Variants in CCDC14 observed in about 807,000 individuals in gnomAD.
The protein encoded by CCDC14 is coiled-coil domain containing 14, also known as coiled-coil domain-containing protein 14.
In CCDC14, 71 loss-of-function variants were observed where a neutral mutation model predicts 81.4. The observed-to-expected ratio is 0.87, with a 90% CI of 0.72 to 1.06. The LOEUF (loss-of-function observed/expected upper bound fraction) is 1.06. Ranked by LOEUF, CCDC14 falls within the 50% of genes least tolerant of loss-of-function variation. The pLI, the probability that CCDC14 is intolerant of heterozygous loss-of-function variation, is 0.00. For missense variants in CCDC14, 1,046 were observed against 1,047.3 expected (o/e 1.00, Z 0.02); for synonymous variants, 332 against 364.8 (o/e 0.91, Z 1.03).
At chr3:123,922,907 T>C (rs564691146) in intron 12 of CCDC14, among the ~76,000 whole-genome samples, 2 of 152,230 alleles carry the variant, frequency 1.3e-5, no homozygotes, top group East Asian at 1.9e-4. Flanking sequence ...AGTGTTCTTG[T>C]TGAACACTTG....
the CCDC14 span, among the ~76,000 whole-genome samples, chr3:123,885,475 A>AT: frequency 1.3e-5 from 1 of 77,398 alleles, no homozygotes; most frequent in Non-Finnish European, 2.9e-5. Context: ...CCCTCCCCCC[A>AT]CTCTTTTTTT....
intron 5 of CCDC14, 110 bp from the exon 6 acceptor site, chr3:123,949,242 T>C (rs1163929100): frequency 3.1e-6 from 2 of 639,370 alleles, no homozygotes; most frequent in Non-Finnish European, 5.4e-6. Context: ...CATCACATAC[T>C]TCATAGAAGG....
chr3:123,954,757 C>G (rs1320957941), intron 5 of CCDC14: 2 of 152,212 alleles, frequency 1.3e-5, no homozygotes, highest in African/African-American at 4.8e-5. Flanking sequence ...TTATTCCAAA[C>G]ATACTTAAAA....
intron 12 of CCDC14, among the ~76,000 whole-genome samples, chr3:123,918,855 G>T (rs2682252): frequency 0.12 from 17,624 of 152,170 alleles, 2,458 homozygotes; most frequent in East Asian, 0.36. Flanking sequence ...TCAGACCAGA[G>T]AGACCAGTCA....
downstream of CCDC14, among the ~76,000 whole-genome samples, chr3:123,893,893 T>C (rs2034025553): frequency 6.6e-6 from 1 of 152,160 alleles, no homozygotes; most frequent in African/African-American, 2.4e-5. Flanking sequence ...ATTTTAAAAT[T>C]GGGTTGTTTT....
intron 9 of CCDC14, among the ~76,000 whole-genome samples, chr3:123,940,067 A>G (rs2036269281): frequency 2.0e-5 from 3 of 151,726 alleles, no homozygotes; most frequent in Admixed American, 2.0e-4. Context: ...GGGTTTAGGA[A>G]GAGGAAGAAG....
intron 12 of CCDC14, among the ~76,000 whole-genome samples, chr3:123,916,174 T>C (rs566820309): frequency 1.3e-5 from 2 of 151,988 alleles, no homozygotes; most frequent in African/African-American, 2.4e-5. Context: ...AATTTTTCTA[T>C]TTTTAGTAGA....
chr3:123,890,896 C>T, the CCDC14 span, among the ~76,000 whole-genome samples: 2 of 152,234 alleles, frequency 1.3e-5, no homozygotes, highest in Non-Finnish European at 2.9e-5. Flanking sequence ...AGAGGTTCTC[C>T]ATGACTTCCC....
At chr3:123,923,967 TAA>T (rs35674177) in intron 12 of CCDC14, among the ~76,000 whole-genome samples, 12 of 141,092 alleles carry the variant, frequency 8.5e-5, no homozygotes, top group African/African-American at 2.8e-4. Flanking sequence ...ACAGAATCAT[TAA>T]AAAAAAAAAA....
intron 1 of CCDC14, among the ~76,000 whole-genome samples, chr3:123,959,516 T>G (rs564348648): frequency 6.6e-6 from 1 of 152,234 alleles, no homozygotes; most frequent in Admixed American, 6.5e-5. Context: ...ATTCCTTATA[T>G]GTATTTTGGA....
At chr3:123,927,249 T>TA (rs34679177) in intron 12 of CCDC14, among the ~76,000 whole-genome samples, 74,678 of 124,282 alleles carry the variant, frequency 0.6, 23,564 homozygotes, top group Non-Finnish European at 0.75. Flanking sequence ...CTACTAAAAG[T>TA]AAAAAAAAAA....
At chr3:123,891,220 C>T in the CCDC14 span, among the ~76,000 whole-genome samples, 6 of 152,236 alleles carry the variant, frequency 3.9e-5, no homozygotes, top group Non-Finnish European at 8.8e-5. Context: ...ATGGGAGGGG[C>T]TGCCACAAAG....
chr3:123,931,453 C>A lies in CCDC14; in HGVS notation c.1500G>T (p.Leu500=), dbSNP rs201111557. 197 of 1,575,186 alleles carry A rather than the reference C, an allele frequency of 1.3e-4. 1 individual carries two copies. The East Asian group carries it at 4.4e-3, about 35-fold the overall frequency. ...LEESLKSQEL[L]QSKNEELLKV... ...TTAACAGCTCTTCATTTTTACTCTG[C>A]AGTAATTCCTGGCTCTTTAGTGACT... is the stretch of plus-strand genomic sequence containing the variant. Residue 500 remains leucine (L), a synonymous_variant, in exon 11 of 13, where the codon CTG becomes CTT. Transcript: ENST00000409697.
chr3:123,960,772 T>C (rs73184290), intron 1 of CCDC14, among the ~76,000 whole-genome samples: 5 of 152,334 alleles, frequency 3.3e-5, no homozygotes, highest in Non-Finnish European at 5.9e-5. Flanking sequence ...TGCTTATTTC[T>C]GCCTATTTTG....
chr3:123,921,953 A>G (rs1461204543), intron 12 of CCDC14, among the ~76,000 whole-genome samples: 1 of 152,192 alleles, frequency 6.6e-6, no homozygotes, highest in Non-Finnish European at 1.5e-5. Context: ...TGCACACAGA[A>G]CATTCTTCAG....
intron 5 of CCDC14, among the ~76,000 whole-genome samples, chr3:123,902,038 TGTAA>T (rs1414698086): frequency 7.2e-5 from 11 of 152,202 alleles, no homozygotes; most frequent in African/African-American, 2.2e-4. Flanking sequence ...CATGGGACAA[TGTAA>T]GTATCAAAGA....
chr3:123,942,992 T>C (rs2148903702), intron 9 of CCDC14, among the ~76,000 whole-genome samples: 1 of 152,158 alleles, frequency 6.6e-6, no homozygotes, highest in South Asian at 2.1e-4. Context: ...TTACTAAGGT[T>C]CTCCTTTCCT....
At chr3:123,959,441 T>C (rs1355261106) in intron 1 of CCDC14, among the ~76,000 whole-genome samples, 3 of 152,228 alleles carry the variant, frequency 2.0e-5, no homozygotes, top group African/African-American at 7.2e-5. Context: ...TGGAGAAATG[T>C]CTATTCAAAT....
At chr3:123,901,676 A>C (rs1559754110) in intron 5 of CCDC14, among the ~76,000 whole-genome samples, 1 of 152,220 alleles carries the variant, frequency 6.6e-6, no homozygotes, top group Non-Finnish European at 1.5e-5. Context: ...AGCCATTTAT[A>C]AATCACTTTT....
Sources: allele counts gnomAD v4.1 joint callset (sites outside exome capture counted in the v4.1 genomes callset), GRCh38; gene constraint gnomAD v4.1.1; transcripts MANE v1.5; gene names NCBI Gene and HGNC (gene_info 2026-07-23, HGNC 2026-07-21).